Variants in ADAMTSL1 observed in about 807,000 individuals in gnomAD.
ADAMTSL1 encodes ADAMTS like 1, also known as ADAMTS-like protein 1.
Under a neutral mutation model 201.8 loss-of-function variants are expected in ADAMTSL1, and 126 were observed. The ratio of observed to expected loss-of-function variants is 0.62; its 90% CI spans 0.54 to 0.72. ADAMTSL1 has a LOEUF of 0.72. ADAMTSL1 is among the 30% of genes least tolerant of loss of function. ADAMTSL1 has a pLI of 0.00. For missense variants in ADAMTSL1, 2,679 were observed against 2,277.8 expected, an observed-to-expected ratio of 1.18 and a Z score of -3.59; for synonymous variants, 1,121 against 903.4, an observed-to-expected ratio of 1.24 and a Z score of -4.32.
intron 23 of ADAMTSL1, among the ~76,000 whole-genome samples, chr9:18,882,176 G>C (rs564527391): frequency 1.3e-5 from 2 of 152,278 alleles, no homozygotes; most frequent in East Asian, 3.9e-4. Flanking sequence ...AAAATCCTAA[G>C]GCAGTTGGGA....
chr9:18,672,036 C>A (rs536979880), intron 9 of ADAMTSL1, among the ~76,000 whole-genome samples: 1 of 151,694 alleles, frequency 6.6e-6, no homozygotes, highest in Admixed American at 6.6e-5. Context: ...GACTCCATCT[C>A]AAAAAAATTA....
At chr9:18,178,448 G>A (rs1360449650) in intron 2 of ADAMTSL1, among the ~76,000 whole-genome samples, 2 of 152,156 alleles carry the variant, frequency 1.3e-5, no homozygotes, top group Non-Finnish European at 2.9e-5. Flanking sequence ...CGAGGCTGGG[G>A]GAGGGGCGCC....
In ADAMTSL1 at chr9:18,466,378, A is replaced by T. The variant is rs1056829923; in HGVS notation, c.208-38451A>T. On this transcript the variant is annotated intron_variant, in intron 2 of 29. Transcript: ENST00000680146. Reference sequence around the variant, plus strand: ...TTATATTTTATTTCCTTCTTGCCATACTCAACAAGTTCCAAATTCCTTCAT... The same window carrying T: ...TTATATTTTATTTCCTTCTTGCCATTCTCAACAAGTTCCAAATTCCTTCAT... 2.0e-5 allele frequency among the ~76,000 whole-genome samples: 3 copies of T among 152,088 alleles called. No individual in the cohort carries two copies. The East Asian group carries it at 5.8e-4, about 29-fold the overall frequency.
intron 2 of ADAMTSL1, among the ~76,000 whole-genome samples, chr9:18,288,987 C>T (rs182440204): frequency 6.6e-6 from 1 of 152,078 alleles, no homozygotes; most frequent in African/African-American, 2.4e-5. Flanking sequence ...GTAATTATAC[C>T]AGATGATCCT....
chr9:17,975,780 A>C (rs78772243), intron 1 of ADAMTSL1, among the ~76,000 whole-genome samples: 8,383 of 152,092 alleles, frequency 0.055, 578 homozygotes, highest in African/African-American at 0.17. Context: ...TGGTATTGTT[A>C]CAAAAAATCA....
At chr9:18,883,401 G>A (rs1017840338) in intron 23 of ADAMTSL1, among the ~76,000 whole-genome samples, 9 of 152,154 alleles carry the variant, frequency 5.9e-5, no homozygotes. Context: ...TTTGGAACTG[G>A]TACATTATCA....
intron 4 of ADAMTSL1, among the ~76,000 whole-genome samples, chr9:18,585,768 G>A (rs1183617845): frequency 1.3e-5 from 2 of 152,070 alleles, no homozygotes; most frequent in African/African-American, 4.8e-5. Context: ...GAGCAACTAG[G>A]CTTTATCCCA....
intron 23 of ADAMTSL1, among the ~76,000 whole-genome samples, chr9:18,830,631 AC>A (rs1403795699): frequency 6.6e-6 from 1 of 152,126 alleles, no homozygotes; most frequent in African/African-American, 2.4e-5. Context: ...CTGGGCCCCC[AC>A]ACGAGAATCA....
At chr9:18,496,040 C>T (rs1229171295) in intron 1 of ADAMTSL1, among the ~76,000 whole-genome samples, 1 of 152,094 alleles carries the variant, frequency 6.6e-6, no homozygotes, top group African/African-American at 2.4e-5. Context: ...ATTTCAATAA[C>T]TGTAGATAAC....
intron 7 of ADAMTSL1, among the ~76,000 whole-genome samples, chr9:18,643,689 T>A (rs995781331): frequency 6.6e-6 from 1 of 152,012 alleles, no homozygotes; most frequent in African/African-American, 2.4e-5. Flanking sequence ...TCAATTGGCC[T>A]TAAATTTCTG....
chr9:18,272,571 A>T (rs569753545), intron 2 of ADAMTSL1, among the ~76,000 whole-genome samples: 1 of 152,310 alleles, frequency 6.6e-6, no homozygotes, highest in Non-Finnish European at 1.5e-5. Context: ...TCTTTTTCCT[A>T]TTCTCTGTTT....
chr9:18,592,508 A>T (rs1284373441), intron 4 of ADAMTSL1, among the ~76,000 whole-genome samples: 1 of 152,144 alleles, frequency 6.6e-6, no homozygotes, highest in Non-Finnish European at 1.5e-5. Flanking sequence ...AGCTTCGATG[A>T]TTGCTCTCAG....
At chr9:18,533,054 G>A (rs1314141833) in intron 2 of ADAMTSL1, among the ~76,000 whole-genome samples, 193 bp from the exon 3 acceptor site, 2 of 151,940 alleles carry the variant, frequency 1.3e-5, no homozygotes, top group Non-Finnish European at 1.5e-5. Flanking sequence ...AACCCTTATA[G>A]AGAAATCAAT....
chr9:18,297,605 G>A (rs1331479101), intron 2 of ADAMTSL1, among the ~76,000 whole-genome samples: 2 of 152,192 alleles, frequency 1.3e-5, no homozygotes, highest in Non-Finnish European at 2.9e-5. Context: ...TGCTTAATAT[G>A]CATCCCTCAG....
intron 16 of ADAMTSL1, among the ~76,000 whole-genome samples, chr9:18,762,868 A>T (rs949260407): frequency 2.5e-4 from 38 of 152,190 alleles, no homozygotes; most frequent in African/African-American, 8.9e-4. Flanking sequence ...TCCATTGTGT[A>T]TGTGTACCAC....
At chr9:17,995,877 G>A (rs1411051273) in intron 1 of ADAMTSL1, among the ~76,000 whole-genome samples, 2 of 151,600 alleles carry the variant, frequency 1.3e-5, no homozygotes, top group Non-Finnish European at 2.9e-5. Flanking sequence ...TGGACTTTGA[G>A]CACTGACACT....
chr9:18,688,272 C>A (rs1315089435), intron 13 of ADAMTSL1, among the ~76,000 whole-genome samples: 3 of 151,530 alleles, frequency 2.0e-5, no homozygotes, highest in Non-Finnish European at 4.4e-5. Flanking sequence ...TACAGGTGCC[C>A]ACCACCATGC....
chr9:18,301,211 A>T (rs12001635), intron 2 of ADAMTSL1, among the ~76,000 whole-genome samples: 10,337 of 152,294 alleles, frequency 0.068, 352 homozygotes, highest in Middle Eastern at 0.13. Flanking sequence ...TAAAGTGCAT[A>T]TAAATTTCAG....
chr9:18,760,804 T>C (rs1820032463), intron 16 of ADAMTSL1, among the ~76,000 whole-genome samples: 1 of 152,246 alleles, frequency 6.6e-6, no homozygotes, highest in South Asian at 2.1e-4. Context: ...GCACCTTCAG[T>C]GCGTACACAC....
Sources: allele counts gnomAD v4.1 joint callset (sites outside exome capture counted in the v4.1 genomes callset), GRCh38; gene constraint gnomAD v4.1.1; transcripts MANE v1.5; gene names NCBI Gene and HGNC (gene_info 2026-07-23, HGNC 2026-07-21).